TRPC7: variants seen among roughly 807,000 people sequenced by gnomAD.
TRPC7 encodes the protein short transient receptor potential channel 7.
A neutral mutation model predicts 90.1 loss-of-function variants in TRPC7; 42 were observed. That is an observed-to-expected ratio of 0.47 (90% CI 0.36 to 0.60). The LOEUF is 0.60. TRPC7 is among the 20% of genes least tolerant of loss of function. The probability of loss-of-function intolerance (pLI) is 0.00; values close to 1 mark genes in which losing one functional copy is unlikely to be tolerated. For synonymous variants in TRPC7, 451 were observed against 436.3 expected, an observed-to-expected ratio of 1.03 and a Z score of -0.42; for missense variants, 955 against 1,112.3, an observed-to-expected ratio of 0.86 and a Z score of 2.01.
At chr5:136,323,990 A>T (rs988553515) in intron 2 of TRPC7, among the ~76,000 whole-genome samples, 8 of 152,148 alleles carry the variant, frequency 5.3e-5, no homozygotes, top group Admixed American at 5.2e-4. Flanking sequence ...GATTTATTTC[A>T]TTCATGTTTT....
chr5:136,305,593 C>T (rs1376899853), intron 3 of TRPC7, among the ~76,000 whole-genome samples: 1 of 152,166 alleles, frequency 6.6e-6, no homozygotes, highest in African/African-American at 2.4e-5. Flanking sequence ...TAAATAGACA[C>T]TTTCACTGAA....
intron 3 of TRPC7, among the ~76,000 whole-genome samples, chr5:136,284,196 G>A (rs1377551424): frequency 3.9e-5 from 6 of 152,178 alleles, no homozygotes; most frequent in African/African-American, 1.2e-4. Context: ...TGTCAGATGA[G>A]GATATGAATA....
intron 3 of TRPC7, among the ~76,000 whole-genome samples, chr5:136,281,276 G>C (rs1345859667): frequency 6.6e-6 from 1 of 152,066 alleles, no homozygotes; most frequent in Non-Finnish European, 1.5e-5. Flanking sequence ...TAACATCCTG[G>C]GCTCTGTCTT....
rs770047603 is a variant in TRPC7 at position 136,356,875 on chromosome 5, C to T, written c.513G>A (p.Ala171=). 6.2e-7 allele frequency: 1 copy of T among 1,613,744 alleles called. No individual in the cohort carries two copies. Among genetic ancestry groups the T allele is most frequent in the Non-Finnish European group, 8.5e-7 (1 of 1,179,954 alleles). ...FSHDITPIIL[A]AHCQEYEIVH... Reference sequence around the variant, plus strand: ...CGATCTCATACTCCTGGCAGTGCGCCGCCAGGATGATGGGCGTGATGTCGT... The same window carrying T: ...CGATCTCATACTCCTGGCAGTGCGCTGCCAGGATGATGGGCGTGATGTCGT... Residue 171 remains alanine (A), a synonymous_variant, in exon 2 of 12, where the codon GCG becomes GCA. Transcript: ENST00000513104.
At chr5:136,250,734 T>C (rs1475016247) in intron 6 of TRPC7, among the ~76,000 whole-genome samples, 1 of 152,232 alleles carries the variant, frequency 6.6e-6, no homozygotes, top group Non-Finnish European at 1.5e-5. Flanking sequence ...TAGGTATTAT[T>C]ATCTCTGTTT....
intron 2 of TRPC7, among the ~76,000 whole-genome samples, chr5:136,325,715 G>C (rs540953232): frequency 1.3e-5 from 2 of 151,932 alleles, no homozygotes; most frequent in African/African-American, 4.8e-5. Context: ...AGGCCAATTT[G>C]TGCTGACTTC....
intron 7 of TRPC7, among the ~76,000 whole-genome samples, chr5:136,233,993 A>G (rs2149798236): frequency 6.6e-6 from 1 of 152,324 alleles, no homozygotes; most frequent in East Asian, 1.9e-4. Flanking sequence ...GGTAATATTT[A>G]CAAATCTCGA....
intron 10 of TRPC7, among the ~76,000 whole-genome samples, chr5:136,221,631 G>T (rs1755464079): frequency 2.0e-5 from 3 of 152,208 alleles, no homozygotes; most frequent in Non-Finnish European, 4.4e-5. Flanking sequence ...TAGGAAAACA[G>T]AAATTGAGGA....
chr5:136,342,571 T>C lies in TRPC7; in HGVS notation c.780+14037A>G, dbSNP rs367909245. Among the ~76,000 whole-genome samples the C allele has an allele frequency of 6.6e-5, 10 of 152,336 alleles. No homozygotes were observed. The East Asian group carries it at 1.9e-3, about 29-fold the overall frequency. The stretch of plus-strand genomic sequence containing the variant: ...ATCCCATCTCCTGCAGACTTGACCC[T>C]GCCTCAGTCCCTGGGGCCTACCCTC... On this transcript the variant is annotated intron_variant, in intron 2 of 11. Coordinates refer to ENST00000513104, the MANE Select transcript of TRPC7 (RefSeq NM_020389.3).
In TRPC7 at chr5:136,235,064, G is replaced by A. The variant is rs1366724873; in HGVS notation, c.1845-3515C>T. 2.0e-5 allele frequency among the ~76,000 whole-genome samples: 3 copies of A among 152,184 alleles called. No individual in the cohort carries two copies. The East Asian group carries it at 5.8e-4, about 29-fold the overall frequency. On this transcript the variant is annotated intron_variant, in intron 7 of 11. Transcript: ENST00000513104. Reference sequence around the variant, plus strand: ...ATTACATAATTCTGGGCTGGGGGAAGTTTCAGAAACTACAAAGCTTGAGAG... The same window carrying A: ...ATTACATAATTCTGGGCTGGGGGAAATTTCAGAAACTACAAAGCTTGAGAG...
In TRPC7 at chr5:136,274,702, T is replaced by C. The variant is rs1443695505; in HGVS notation, c.1099A>G (p.Ile367Val). ...GVSIGLPFLA[I>V]AYWIAPCSKL... is the part of the protein sequence containing the mutation. Reference sequence around the variant, plus strand: ...CTGCACGGAGCAATCCAATAGGCTATGGCGAGAAAAGGGAGGCCTATGGAG... The same window carrying C: ...CTGCACGGAGCAATCCAATAGGCTACGGCGAGAAAAGGGAGGCCTATGGAG... Residue 367 changes from isoleucine to valine, a missense_variant, in exon 4 of 12, where the codon ATA becomes GTA. Ile to Val is a conservative substitution (Grantham distance 29). This residue lies in a region of TRPC7 where 484 missense variants were observed against 509.6 expected (regional missense o/e 0.95). Transcript: ENST00000513104. The C allele has an allele frequency of 3.1e-6, 5 of 1,613,552 alleles. No homozygotes were observed. Among genetic ancestry groups the C allele is most frequent in the African/African-American group, 2.7e-5 (2 of 74,896 alleles).
intron 3 of TRPC7, among the ~76,000 whole-genome samples, chr5:136,304,227 T>A (rs1191837634): frequency 6.0e-5 from 9 of 149,732 alleles, no homozygotes; most frequent in Admixed American, 6.0e-4. Flanking sequence ...CTCTACTCCC[T>A]CCTTGGGGAC....
At chr5:136,226,851 C>T (rs541176572) in intron 8 of TRPC7, among the ~76,000 whole-genome samples, 1 of 152,296 alleles carries the variant, frequency 6.6e-6, no homozygotes, top group South Asian at 2.1e-4. Flanking sequence ...ATTAAGATAG[C>T]TTACCGTATT....
At chr5:136,285,232 C>A (rs1362313680) in intron 3 of TRPC7, among the ~76,000 whole-genome samples, 1 of 152,074 alleles carries the variant, frequency 6.6e-6, no homozygotes, top group East Asian at 1.9e-4. Flanking sequence ...TTGTAACAGA[C>A]TTTTAGTTTA....
intron 7 of TRPC7, among the ~76,000 whole-genome samples, chr5:136,244,153 T>G: frequency 1.5e-5 from 2 of 134,752 alleles, no homozygotes; most frequent in South Asian, 5.0e-4. Flanking sequence ...CTCCCCTCCC[T>G]TCCCTCCCTC....
chr5:136,361,759 C>T (rs1450194291), intron 1 of TRPC7, among the ~76,000 whole-genome samples: 1 of 152,136 alleles, frequency 6.6e-6, no homozygotes, highest in Non-Finnish European at 1.5e-5. Context: ...AGATCAAACA[C>T]CCAGGAAAAC....
In TRPC7 at chr5:136,251,757, T is replaced by C; in HGVS notation, c.1471A>G (p.Met491Val). 6.2e-7 allele frequency: 1 copy of C among 1,613,880 alleles called. No individual in the cohort carries two copies. The highest frequency in any genetic ancestry group is 1.7e-5 in the Admixed American group (1 of 60,024). ...IFVASFTARF[M>V]AFLKATEAQL... ...GCCTCCGTGGCCTTCAGGAAGGCCA[T>C]GAAGCGTGCTGTGAAGGAGGCCACG... Residue 491 changes from methionine (M) to valine (V), a missense_variant, in exon 6 of 12, where the codon ATG becomes GTG. Transcript: ENST00000513104.
chr5:136,263,099 A>T (rs1472684531), intron 5 of TRPC7, among the ~76,000 whole-genome samples: 1 of 152,212 alleles, frequency 6.6e-6, no homozygotes, highest in Non-Finnish European at 1.5e-5. Context: ...AACTCCACAA[A>T]CAACTGCCAA....
intron 2 of TRPC7, among the ~76,000 whole-genome samples, chr5:136,350,655 A>G (rs538428837): frequency 6.6e-6 from 1 of 152,314 alleles, no homozygotes; most frequent in South Asian, 2.1e-4. Flanking sequence ...CCTTTTCTGG[A>G]GATAAGCCAG....
Sources: gnomAD v4.1 joint callset for allele counts (sites outside exome capture counted in the v4.1 genomes callset) on GRCh38, gnomAD v4.1.1 for gene constraint, gnomAD v4.1.1 regional missense constraint, MANE v1.5 for transcripts, NCBI Gene and HGNC (gene_info 2026-07-23, HGNC 2026-07-21) for gene names.